Variants in DNAI1 observed in about 807,000 individuals in gnomAD.
DNAI1 encodes dynein, axonemal, intermediate polypeptide 1.
DNAI1 carries 67 observed loss-of-function variants against 92.0 expected under a neutral mutation model. The observed-to-expected ratio is 0.73, with a 90% CI of 0.60 to 0.89. The LOEUF (loss-of-function observed/expected upper bound fraction) is 0.89, where lower values mean the gene tolerates loss of function less well. Ranked by LOEUF, DNAI1 falls within the 40% of genes least tolerant of loss-of-function variation. The pLI is 0.00. For missense variants in DNAI1, 839 were observed against 866.6 expected (o/e 0.97, Z 0.40); for synonymous variants, 323 against 319.6 (o/e 1.01, Z -0.11).
chr9:34,486,159 C>T (rs779084247), intron 4 of DNAI1, among the ~76,000 whole-genome samples: 1 of 152,158 alleles, frequency 6.6e-6, no homozygotes, highest in Non-Finnish European at 1.5e-5. Context: ...TTTCCGAGTA[C>T]ATTTGAGCTG....
At chr9:34,485,290 G>T (rs754121591) in intron 3 of DNAI1, 50 bp downstream of exon 3, 2 of 1,611,000 alleles carry the variant, frequency 1.2e-6, no homozygotes, top group African/African-American at 1.3e-5. Context: ...TCCAGTTTCG[G>T]AGATGTGTTC....
intron 7 of DNAI1, among the ~76,000 whole-genome samples, chr9:34,491,168 C>A (rs973047150): frequency 6.6e-6 from 1 of 152,210 alleles, no homozygotes; most frequent in Non-Finnish European, 1.5e-5. Flanking sequence ...GATGGCCTGA[C>A]AGAGGCTGAC....
intron 1 of DNAI1, among the ~76,000 whole-genome samples, chr9:34,464,579 G>C (rs1367528610): frequency 6.7e-6 from 1 of 148,372 alleles, no homozygotes; most frequent in Non-Finnish European, 1.5e-5. Flanking sequence ...TAGTCTCATT[G>C]CTCTGTGTTC....
rs752901354 is a variant in DNAI1 at position 34,513,206 on chromosome 9, T to C, written c.1569+15T>C. ...AAATCTACAAGGTGAGGCTGCCCTGTGCCAGCTCCTTAGAAGGCCGCTTAG... is the reference window on the plus strand; with the variant it reads ...AAATCTACAAGGTGAGGCTGCCCTGCGCCAGCTCCTTAGAAGGCCGCTTAG... On this transcript the variant is annotated intron_variant, in intron 16 of 19. Transcript: ENST00000242317. 5.0e-6 allele frequency: 8 copies of C among 1,610,026 alleles called. No homozygotes were observed. In the Admixed American group the frequency reaches 1.3e-4, roughly 27 times the overall value.
At chr9:34,513,244 G>C in intron 16 of DNAI1, 53 bp downstream of exon 16, 1 of 1,416,310 alleles carries the variant, frequency 7.1e-7, no homozygotes, top group Non-Finnish European at 1.0e-6. Context: ...CTGAGCACCT[G>C]GGGAGCTTAG....
rs974685529 is a variant in DNAI1 at position 34,487,209 on chromosome 9, G to A, written c.261+1692G>A. 7.3e-5 allele frequency among the ~76,000 whole-genome samples: 11 copies of A among 150,838 alleles called. No individual in the cohort carries two copies. In the South Asian group the frequency reaches 1.3e-3, roughly 17 times the overall value. ...TTTCTTTTTTTTTTTTTGAGACTGC[G>A]CCTCGCTCTGTCGCCCAGGCTGGAG... On this transcript the variant is annotated intron_variant, in intron 4 of 19. Transcript: ENST00000242317.
Position 34,496,158 on chromosome 9 carries a change from C to G in DNAI1, c.817-957C>G, listed in dbSNP as rs546740765. Among the ~76,000 whole-genome samples, 5 of 152,096 alleles carry G rather than the reference C, an allele frequency of 3.3e-5. No homozygotes were observed. In the East Asian group the frequency reaches 9.7e-4, roughly 30 times the overall value. ...CCCACTTACCAGGAGGAGTCTAAGACTCAGAGAAGCTAAATAACTTGCCAG... is the reference window on the plus strand; with the variant it reads ...CCCACTTACCAGGAGGAGTCTAAGAGTCAGAGAAGCTAAATAACTTGCCAG... On this transcript the variant is annotated intron_variant, in intron 9 of 19. Coordinates refer to ENST00000242317, the MANE Select transcript of DNAI1 (RefSeq NM_012144.4).
At chr9:34,513,282 AT>A in intron 16 of DNAI1, 91 bp downstream of exon 16, 1 of 1,034,818 alleles carries the variant, frequency 9.7e-7, no homozygotes, top group Non-Finnish European at 1.5e-6. Flanking sequence ...ATTTTGATGG[AT>A]TTTAGTTCCC....
chr9:34,506,689 C>T lies in DNAI1; in HGVS notation c.1126C>T (p.Pro376Ser), dbSNP rs867904816. The change falls in exon 13 of 20, where the codon CCT becomes TCT. Residue 376 changes from proline (P) to serine (S), a missense_variant. Pro to Ser is a moderately conservative substitution (Grantham distance 74, BLOSUM62 -1). Transcript: ENST00000242317. Reference protein sequence around the residue: ...LLYSLKNPSFPEYMFSSNSGV... With the variant: ...LLYSLKNPSFSEYMFSSNSGV... ...CTACAGCCTGAAGAACCCCAGCTTC[C>T]CTGAGTACATGTTCAGCAGCAACAG... 1 of 1,614,214 alleles carries T rather than the reference C, an allele frequency of 6.2e-7. No individual in the cohort carries two copies. Among genetic ancestry groups the T allele is most frequent in the Non-Finnish European group, 8.5e-7 (1 of 1,180,046 alleles).
chr9:34,462,805 A>G (rs896058250), intron 1 of DNAI1, among the ~76,000 whole-genome samples: 1 of 152,220 alleles, frequency 6.6e-6, no homozygotes, highest in Admixed American at 6.5e-5. Context: ...CTAAGAGATA[A>G]AAATATTGAT....
intron 4 of DNAI1, among the ~76,000 whole-genome samples, chr9:34,485,962 C>G (rs1824460697): frequency 6.6e-6 from 1 of 152,172 alleles, no homozygotes; most frequent in South Asian, 2.1e-4. Context: ...CTAGCAGGCT[C>G]CAGTCTCAGC....
At chr9:34,480,245 G>T (rs1267281209) in intron 1 of DNAI1, among the ~76,000 whole-genome samples, 1 of 149,934 alleles carries the variant, frequency 6.7e-6, no homozygotes, top group Non-Finnish European at 1.5e-5. Context: ...ATATACTGTG[G>T]GATTTTTGTT....
At chr9:34,468,485 G>A (rs191834295) in intron 1 of DNAI1, among the ~76,000 whole-genome samples, 2,469 of 150,774 alleles carry the variant, frequency 0.016, 59 homozygotes, top group African/African-American at 0.055. Context: ...CACCACGCCC[G>A]GCCAAGAAGG....
chr9:34,512,100 A>G lies in DNAI1; in HGVS notation c.1312-9A>G, dbSNP rs762914702. 2 of 1,613,906 alleles carry G rather than the reference A, an allele frequency of 1.2e-6. No individual in the cohort carries two copies. Among genetic ancestry groups the G allele is most frequent in the Non-Finnish European group, 1.7e-6 (2 of 1,179,826 alleles). The stretch of plus-strand genomic sequence containing the variant: ...AGGGTCCCAGAGCTCACATTTTGGG[A>G]TGTTTCAGGTCAAGTGGCAGAAGGA... On this transcript the variant is annotated splice_polypyrimidine_tract_variant and intron_variant, in intron 13 of 19. Coordinates refer to ENST00000242317, the MANE Select transcript of DNAI1 (RefSeq NM_012144.4).
At chr9:34,480,686 A>G (rs770232157) in intron 1 of DNAI1, among the ~76,000 whole-genome samples, 20 of 151,988 alleles carry the variant, frequency 1.3e-4, no homozygotes, top group Non-Finnish European at 2.5e-4. Flanking sequence ...GCTCACATCT[A>G]TAATCCCAGC....
chr9:34,459,811 C>T (rs1044367734), intron 1 of DNAI1, among the ~76,000 whole-genome samples: 4 of 152,214 alleles, frequency 2.6e-5, no homozygotes, highest in African/African-American at 9.7e-5. Context: ...GAACACAGCT[C>T]TTGCTGTTTG....
At chr9:34,475,727 A>G (rs1824224357) in intron 1 of DNAI1, among the ~76,000 whole-genome samples, 1 of 152,358 alleles carries the variant, frequency 6.6e-6, no homozygotes, top group South Asian at 2.1e-4. Flanking sequence ...GCCTGGGGTC[A>G]TAAAACTATT....
intron 1 of DNAI1, among the ~76,000 whole-genome samples, chr9:34,469,063 CA>C: frequency 6.6e-6 from 1 of 152,182 alleles, no homozygotes; most frequent in Admixed American, 6.5e-5. Flanking sequence ...ATCAGAAACT[CA>C]GTGAGCCCCA....
chr9:34,459,426 C>G (rs1193847010), intron 1 of DNAI1, among the ~76,000 whole-genome samples: 1 of 151,432 alleles, frequency 6.6e-6, no homozygotes, highest in Non-Finnish European at 1.5e-5. Flanking sequence ...AGGAATTTTT[C>G]TTTTTCTTTT....
Sources: gnomAD v4.1 joint callset for allele counts (sites outside exome capture counted in the v4.1 genomes callset) on GRCh38, gnomAD v4.1.1 for gene constraint, MANE v1.5 for transcripts, NCBI Gene and HGNC (gene_info 2026-07-23, HGNC 2026-07-21) for gene names.